IGF1R: variants seen among roughly 807,000 people sequenced by gnomAD.
IGF1R encodes insulin like growth factor 1 receptor.
In IGF1R, 44 loss-of-function variants were observed where a neutral mutation model predicts 144.6. The ratio of observed to expected loss-of-function variants is 0.30; its 90% CI spans 0.24 to 0.39. IGF1R has a LOEUF of 0.39. Ranked by LOEUF, IGF1R falls within the 10% of genes least tolerant of loss-of-function variation. The probability of loss-of-function intolerance (pLI) is 1.00; values close to 1 mark genes in which losing one functional copy is unlikely to be tolerated. For synonymous variants in IGF1R, 795 were observed against 722.8 expected (o/e 1.10, Z -1.60); for missense variants, 1,355 against 1,833.7 (o/e 0.74, Z 4.77).
At chr15:98,685,161 A>G (rs1242168789) in intron 1 of IGF1R, among the ~76,000 whole-genome samples, 1 of 151,716 alleles carries the variant, frequency 6.6e-6, no homozygotes. Flanking sequence ...CCCAGGCTGC[A>G]CTCAAACTCC....
At chr15:98,667,914 A>G (rs557923487) in intron 1 of IGF1R, among the ~76,000 whole-genome samples, 1 of 151,812 alleles carries the variant, frequency 6.6e-6, no homozygotes, top group African/African-American at 2.4e-5. Context: ...AGATGATGAG[A>G]GGTGTTGCTC....
At chr15:98,945,351 C>T (rs1462622879) in intron 19 of IGF1R, among the ~76,000 whole-genome samples, 2 of 152,218 alleles carry the variant, frequency 1.3e-5, no homozygotes, top group African/African-American at 4.8e-5. Context: ...GCTACCATCC[C>T]CTCCTGGTGT....
chr15:98,676,722 C>T (rs1197790737), intron 1 of IGF1R, among the ~76,000 whole-genome samples: 1 of 152,056 alleles, frequency 6.6e-6, no homozygotes, highest in Non-Finnish European at 1.5e-5. Flanking sequence ...AAAACATTTC[C>T]AGATATTTGA....
At chr15:98,803,795 G>C (rs943392692) in intron 2 of IGF1R, among the ~76,000 whole-genome samples, 2 of 152,014 alleles carry the variant, frequency 1.3e-5, no homozygotes, top group African/African-American at 4.8e-5. Flanking sequence ...CATGAGCCAC[G>C]GCGCCTGGCC....
At chr15:98,693,364 C>G (rs1048281754) in intron 1 of IGF1R, among the ~76,000 whole-genome samples, 2 of 152,146 alleles carry the variant, frequency 1.3e-5, no homozygotes, top group Admixed American at 1.3e-4. Flanking sequence ...GTTTTGTTTT[C>G]CTTTACACCT....
chr15:98,937,408 G>A (rs960448360), intron 17 of IGF1R, among the ~76,000 whole-genome samples: 1 of 152,188 alleles, frequency 6.6e-6, no homozygotes, highest in African/African-American at 2.4e-5. Context: ...TCAGACAGCC[G>A]CTGCAGGTTC....
intron 2 of IGF1R, among the ~76,000 whole-genome samples, chr15:98,797,403 C>G (rs190058179): frequency 6.6e-6 from 1 of 152,240 alleles, no homozygotes; most frequent in Non-Finnish European, 1.5e-5. Context: ...GGACCGTTAC[C>G]TGTGCATAGA....
chr15:98,862,972 C>T (rs1371874106), intron 2 of IGF1R, among the ~76,000 whole-genome samples: 1 of 152,200 alleles, frequency 6.6e-6, no homozygotes, highest in Non-Finnish European at 1.5e-5. Flanking sequence ...AATCTCCAGA[C>T]TGAATTCGGA....
rs573729861 is a variant in IGF1R, at chr15:98,900,181, C to CT, written c.1247+563dup. Among the ~76,000 whole-genome samples the CT allele has an allele frequency of 1.2e-4, 19 of 152,330 alleles. No individual in the cohort carries two copies. In the South Asian group the frequency reaches 3.5e-3, roughly 28 times the overall value. ...GAGTTTTTGCCTTGGCACAGGCCTG[C>CT]TTTGTGATAGGGGTTTTAAAATAAC... On this transcript the variant is annotated intron_variant, in intron 5 of 20. Transcript: ENST00000650285.
Position 98,832,629 on chromosome 15 carries a change from G to T in IGF1R, c.641-58696G>T, listed in dbSNP as rs184284619. On this transcript the variant is annotated intron_variant, in intron 2 of 20. Transcript: ENST00000650285. The stretch of plus-strand genomic sequence containing the variant: ...CTTGATTGCCTTTCTTGAGTGCATG[G>T]TTTTTTTCTAGAAAAACAAATTTAA... Among the ~76,000 whole-genome samples the T allele has an allele frequency of 3.9e-3, 585 of 151,834 alleles. 3 individuals carry two copies. Among genetic ancestry groups the T allele is most frequent in the African/African-American group, 0.012 (509 of 41,354 alleles).
At position 98,822,387 on chromosome 15, in the gene IGF1R, G is replaced by A. The variant is rs796363411; in HGVS notation, c.641-68938G>A. On this transcript the variant is annotated intron_variant, in intron 2 of 20. Coordinates refer to ENST00000650285, the MANE Select transcript of IGF1R (RefSeq NM_000875.5). ...ATTTTTAGGCTTGAGATGGCTTTGT[G>A]TGTTTGGTTAATGTCACTACATTTC... Among the ~76,000 whole-genome samples, 244 of 152,332 alleles carry A rather than the reference G, an allele frequency of 1.6e-3. 1 individual carries two copies. The highest frequency in any genetic ancestry group is 4.9e-3 in the African/African-American group (204 of 41,570).
chr15:98,650,860 CTTTTG>C (rs1596140005), intron 1 of IGF1R: 1 of 972,786 alleles, frequency 1.0e-6, no homozygotes, highest in East Asian at 1.1e-4. Flanking sequence ...AATCTGATAG[CTTTTG>C]TTTTGGTGGT....
intron 2 of IGF1R, among the ~76,000 whole-genome samples, chr15:98,814,254 T>TA (rs1377246561): frequency 1.3e-5 from 2 of 152,218 alleles, no homozygotes. Context: ...GCATGAATGA[T>TA]ACATCACTTT....
At chr15:98,667,277 T>A (rs2052766962) in intron 1 of IGF1R, among the ~76,000 whole-genome samples, 1 of 152,238 alleles carries the variant, frequency 6.6e-6, no homozygotes, top group Non-Finnish European at 1.5e-5. Flanking sequence ...AGAGATTTGT[T>A]TAGATGTTTG....
intron 2 of IGF1R, among the ~76,000 whole-genome samples, chr15:98,769,570 G>C (rs950152158): frequency 1.3e-5 from 2 of 152,200 alleles, no homozygotes; most frequent in African/African-American, 4.8e-5. Flanking sequence ...AAGCAGATCA[G>C]ATGCTCTCAG....
intron 1 of IGF1R, among the ~76,000 whole-genome samples, chr15:98,656,426 A>G (rs889292676): frequency 6.6e-6 from 1 of 152,144 alleles, no homozygotes; most frequent in African/African-American, 2.4e-5. Flanking sequence ...GCCCGTGCCT[A>G]TAATCCCAGC....
intron 2 of IGF1R, among the ~76,000 whole-genome samples, chr15:98,845,266 G>C (rs1170376301): frequency 6.6e-5 from 10 of 152,272 alleles, no homozygotes; most frequent in Middle Eastern, 3.4e-3. Flanking sequence ...ATTTACCCTG[G>C]ATCAGATAGG....
intron 2 of IGF1R, among the ~76,000 whole-genome samples, chr15:98,881,520 A>AC (rs530654089): frequency 1.2e-3 from 179 of 152,254 alleles, no homozygotes; most frequent in African/African-American, 4.1e-3. Flanking sequence ...ATCGGCTTTC[A>AC]CCATGTTGAC....
rs2053804854 is a variant in IGF1R, at chr15:98,704,168, A to G, written c.95-3394A>G. Among the ~76,000 whole-genome samples the G allele has an allele frequency of 1.3e-5, 2 of 152,216 alleles. No individual in the cohort carries two copies. Among genetic ancestry groups the G allele is most frequent in the Admixed American group, 1.3e-4 (2 of 15,282 alleles). ...AAAGGGTAATAAAATGGTTCGTTGT[A>G]TACAAACTTTGTTTCATGCACAAGA... On this transcript the variant is annotated intron_variant, in intron 1 of 20. Coordinates refer to ENST00000650285, the MANE Select transcript of IGF1R (RefSeq NM_000875.5). The surrounding 1 kb of genome is among the most constrained non-coding windows in gnomAD (Gnocchi z 4.9).
Sources: allele counts gnomAD v4.1 joint callset (sites outside exome capture counted in the v4.1 genomes callset), GRCh38; gene constraint gnomAD v4.1.1; non-coding constraint Gnocchi (gnomAD v3.1); transcripts MANE v1.5; gene names NCBI Gene and HGNC (gene_info 2026-07-23, HGNC 2026-07-21).